The following RFWD3 variants were observed in gnomAD, a reference collection of about 807,000 sequenced individuals.
The protein encoded by RFWD3 is E3 ubiquitin-protein ligase RFWD3.
In RFWD3, 65 loss-of-function variants were observed where a neutral mutation model predicts 87.7. The ratio of observed to expected loss-of-function variants is 0.74; its 90% CI spans 0.61 to 0.91. The LOEUF is 0.91. RFWD3 is among the 40% of genes least tolerant of loss of function. The pLI is 0.00. For missense variants in RFWD3, 1,078 were observed against 938.5 expected (o/e 1.15, Z -1.94); for synonymous variants, 433 against 352.8 (o/e 1.23, Z -2.55).
intron 6 of RFWD3, among the ~76,000 whole-genome samples, chr16:74,641,907 A>G (rs1240514084): frequency 7.4e-6 from 1 of 135,072 alleles, no homozygotes; most frequent in Non-Finnish European, 1.5e-5. Flanking sequence ...AGCCTGGGCA[A>G]CAAGAGCAAA....
chr16:74,631,588 A>G (rs1959096988), intron 9 of RFWD3, among the ~76,000 whole-genome samples: 2 of 152,220 alleles, frequency 1.3e-5, no homozygotes, highest in African/African-American at 4.8e-5. Context: ...TCTGGTTCAC[A>G]GTACTCACAG....
At chr16:74,625,505 C>T (rs1202984194) in intron 12 of RFWD3, among the ~76,000 whole-genome samples, 2 of 125,192 alleles carry the variant, frequency 1.6e-5, no homozygotes, top group South Asian at 2.8e-4. Context: ...CAGAGCGAGA[C>T]CGTCTCAAGA....
At chr16:74,658,766 ATTTT>A (rs386364851) in intron 2 of RFWD3, among the ~76,000 whole-genome samples, 4 of 139,486 alleles carry the variant, frequency 2.9e-5, no homozygotes, top group Non-Finnish European at 4.7e-5. Flanking sequence ...AGATTCTATA[ATTTT>A]TTTTTTTTTT....
intron 6 of RFWD3, among the ~76,000 whole-genome samples, chr16:74,639,610 TATA>T (rs1170262212): frequency 6.6e-6 from 1 of 152,252 alleles, no homozygotes; most frequent in East Asian, 1.9e-4. Context: ...CAAGTTACCC[TATA>T]ATAATTTTTA....
chr16:74,665,693 G>C (rs955854462), intron 1 of RFWD3, among the ~76,000 whole-genome samples: 8 of 152,316 alleles, frequency 5.3e-5, no homozygotes, highest in South Asian at 2.1e-4. Context: ...CCGGGAGTTC[G>C]AGACTGCAGT....
At chr16:74,626,263 A>G (rs77652772) in intron 12 of RFWD3, 80 bp downstream of exon 12, 53,093 of 1,306,514 alleles carry the variant, frequency 0.041, 1,231 homozygotes, top group Middle Eastern at 0.063. Context: ...GAGCTTCTGT[A>G]AAAAAAGTTC....
rs749127097 is a variant in RFWD3 at position 74,660,939 on chromosome 16, T to C, written c.511A>G (p.Ser171Gly). 59 of 1,612,090 alleles carry C rather than the reference T, an allele frequency of 3.7e-5. 1 individual carries two copies. In the South Asian group the frequency reaches 5.6e-4, roughly 15 times the overall value. ...ATCCATATATTTATTTACCTGGCACTGTCTGTCCTCTGAGACCCTCCGGCT... is the reference window on the plus strand; with the variant it reads ...ATCCATATATTTATTTACCTGGCACCGTCTGTCCTCTGAGACCCTCCGGCT... ...ARAGGSQRTD[S>G]ARLRAPLDAY... Residue 171 changes from serine to glycine, a missense_variant, in exon 2 of 13, where the codon AGT becomes GGT. Coordinates refer to ENST00000361070, the MANE Select transcript of RFWD3 (RefSeq NM_018124.4).
At chr16:74,665,526 C>G (rs1326667722) in intron 1 of RFWD3, among the ~76,000 whole-genome samples, 3 of 151,290 alleles carry the variant, frequency 2.0e-5, no homozygotes, top group East Asian at 2.0e-4. Context: ...TGCAGTGAGC[C>G]GAGATCGCAC....
Position 74,632,612 on chromosome 16 carries a change from A to G in RFWD3, c.1488T>C (p.His496=), listed in dbSNP as rs778938061. 1 of 1,614,132 alleles carries G rather than the reference A, an allele frequency of 6.2e-7. No homozygotes were observed. The highest frequency in any genetic ancestry group is 8.5e-7 in the Non-Finnish European group (1 of 1,180,010). ...ACGCCAGTCCACGGATCTGTTTGCC[A>G]TGCATCGGAATGTACTGACTGCTCT... ...NMKSSQYIPM[H]GKQIRGLAFS... is the part of the protein sequence containing the mutation. Residue 496 remains histidine, a synonymous_variant, in exon 9 of 13, where the codon CAT becomes CAC. Transcript: ENST00000361070.
At chr16:74,637,356 A>G (rs1447998672) in intron 7 of RFWD3, among the ~76,000 whole-genome samples, 1 of 152,144 alleles carries the variant, frequency 6.6e-6, no homozygotes, top group African/African-American at 2.4e-5. Flanking sequence ...GGCCAGGTGC[A>G]GTGCTCACGC....
At chr16:74,655,529 G>A (rs1452063318) in intron 2 of RFWD3, among the ~76,000 whole-genome samples, 1 of 150,784 alleles carries the variant, frequency 6.6e-6, no homozygotes, top group Admixed American at 6.6e-5. Context: ...TTACAGGCAT[G>A]AGCCACCATG....
At chr16:74,628,778 T>C in intron 10 of RFWD3, 112 bp from the exon 11 acceptor site, 1 of 804,508 alleles carries the variant, frequency 1.2e-6, no homozygotes, top group Non-Finnish European at 2.0e-6. Context: ...TTAAACGCCT[T>C]TAGTCACTAT....
chr16:74,659,703 T>A lies in RFWD3; in HGVS notation c.518+1229A>T, dbSNP rs182822728. ...ACTACAGACACTGGAGCCACAGTCA[T>A]GGCAAGCCCCAACATTAAAATCAGC... On this transcript the variant is annotated intron_variant, in intron 2 of 12. Coordinates refer to ENST00000361070, the MANE Select transcript of RFWD3 (RefSeq NM_018124.4). 2.1e-3 allele frequency among the ~76,000 whole-genome samples: 320 copies of A among 152,212 alleles called. 1 individual carries two copies. Among genetic ancestry groups the A allele is most frequent in the African/African-American group, 7.4e-3 (306 of 41,524 alleles).
At chr16:74,654,930 T>C (rs1960844786) in intron 2 of RFWD3, among the ~76,000 whole-genome samples, 1 of 152,322 alleles carries the variant, frequency 6.6e-6, no homozygotes, top group South Asian at 2.1e-4. Context: ...GTGAGGAAGC[T>C]GCAGGAAGTT....
chr16:74,649,020 T>A (rs1189727599), intron 4 of RFWD3, 112 bp downstream of exon 4: 1 of 569,122 alleles, frequency 1.8e-6, no homozygotes. Flanking sequence ...AGTTTGAAAC[T>A]GCAGTGAGTT....
chr16:74,659,378 T>C (rs1961251468), intron 2 of RFWD3, among the ~76,000 whole-genome samples: 1 of 152,148 alleles, frequency 6.6e-6, no homozygotes, highest in Admixed American at 6.5e-5. Flanking sequence ...CCTTCACCTA[T>C]AACACAAATG....
rs763676630 is a variant in RFWD3, at chr16:74,660,974, C to G, written c.476G>C (p.Arg159Pro). The part of the protein sequence containing the change: ...MRTRRRVSAS[R>P]RARAGGSQRT... The stretch of plus-strand genomic sequence containing the variant: ...CTGAGACCCTCCGGCTCTTGCCCTC[C>G]GTGAAGCAGATACCCTCCTTCTTGT... The change falls in exon 2 of 13, where the codon CGG becomes CCG. Residue 159 changes from arginine to proline, a missense_variant. By Grantham distance (103) the Arg-to-Pro change is moderately radical. Coordinates refer to ENST00000361070, the MANE Select transcript of RFWD3 (RefSeq NM_018124.4). The G allele has an allele frequency of 6.2e-7, 1 of 1,614,160 alleles. No individual in the cohort carries two copies. Among genetic ancestry groups the G allele is most frequent in the South Asian group, 1.1e-5 (1 of 91,080 alleles).
intron 2 of RFWD3, among the ~76,000 whole-genome samples, chr16:74,653,840 A>G (rs1960758712): frequency 6.6e-6 from 1 of 152,226 alleles, no homozygotes; most frequent in South Asian, 2.1e-4. Context: ...CTTTGACTAA[A>G]TGCTAACTAG....
rs775003580 is a variant in RFWD3 at position 74,623,881 on chromosome 16, AAAC to A, written c.*44_*46del. 19 of 1,604,364 alleles carry A rather than the reference AAAC, an allele frequency of 1.2e-5. No homozygotes were observed. In the Admixed American group the frequency reaches 1.5e-4, roughly 13 times the overall value. Reference sequence around the variant, plus strand: ...TTGCTTGGGGCTGCTAGGCGCTAGCAAACAACATCTAACCAGCAGCATGCCTTC... The same window carrying A: ...TTGCTTGGGGCTGCTAGGCGCTAGCAAACATCTAACCAGCAGCATGCCTTC... On this transcript the variant is annotated 3_prime_UTR_variant, in exon 13 of 13. Coordinates refer to ENST00000361070, the MANE Select transcript of RFWD3 (RefSeq NM_018124.4).
Sources: allele counts gnomAD v4.1 joint callset (sites outside exome capture counted in the v4.1 genomes callset), GRCh38; gene constraint gnomAD v4.1.1; transcripts MANE v1.5; gene names NCBI Gene and HGNC (gene_info 2026-07-23, HGNC 2026-07-21).